Variants in BTG3 observed in about 807,000 individuals in gnomAD.
The protein encoded by BTG3 is BTG anti-proliferation factor 3, also known as protein BTG3.
In BTG3, 4 loss-of-function variants were observed where a neutral mutation model predicts 25.8. The observed-to-expected ratio is 0.16, with a 90% CI of 0.08 to 0.36. The LOEUF is 0.36. Ranked by LOEUF, BTG3 falls within the 10% of genes least tolerant of loss-of-function variation. BTG3 has a pLI of 1.00. For synonymous variants in BTG3, 107 were observed against 99.9 expected, an observed-to-expected ratio of 1.07 and a Z score of -0.42; for missense variants, 201 against 304.9, an observed-to-expected ratio of 0.66 and a Z score of 2.54.
intron 4 of BTG3, among the ~76,000 whole-genome samples, chr21:17,595,453 CA>C (rs891411002): frequency 3.3e-5 from 5 of 151,910 alleles, no homozygotes; most frequent in African/African-American, 4.8e-5. Context: ...TGACACCAAA[CA>C]TTTTTTTAAA....
chr21:17,600,874 G>C (rs1369250045), intron 3 of BTG3, among the ~76,000 whole-genome samples: 2 of 151,862 alleles, frequency 1.3e-5, no homozygotes, highest in East Asian at 3.9e-4. Context: ...CATAAAAGTT[G>C]CTACAGGGGC....
At position 17,604,843 on chromosome 21, in the gene BTG3, TA is replaced by T. The variant is rs1177145483; in HGVS notation, c.311+16del. 2 of 1,609,340 alleles carry T rather than the reference TA, an allele frequency of 1.2e-6. No homozygotes were observed. Among genetic ancestry groups the T allele is most frequent in the Non-Finnish European group, 8.5e-7 (1 of 1,177,952 alleles). ...CCAGCATGGTCATCAGTTCAGCCTC[TA>T]AACTTGAGAACTCACCGACAGCACA... On this transcript the variant is annotated intron_variant, in intron 3 of 4. Coordinates refer to ENST00000348354, the MANE Select transcript of BTG3 (RefSeq NM_006806.5).
intron 1 of BTG3, among the ~76,000 whole-genome samples, chr21:17,609,932 TTACCA>T (rs781329761): frequency 3.9e-5 from 6 of 152,208 alleles, no homozygotes; most frequent in Non-Finnish European, 7.3e-5. Context: ...ATCTATATGT[TTACCA>T]ATTAAGGAAT....
chr21:17,601,179 T>C (rs2061570174), intron 3 of BTG3, among the ~76,000 whole-genome samples: 1 of 143,874 alleles, frequency 7.0e-6, no homozygotes, highest in Admixed American at 6.9e-5. Context: ...AAAAAAAAAG[T>C]TGCTACGGGA....
At chr21:17,608,556 C>CTT (rs374963701) in intron 2 of BTG3, among the ~76,000 whole-genome samples, 2 of 146,016 alleles carry the variant, frequency 1.4e-5, no homozygotes, top group African/African-American at 5.0e-5. Flanking sequence ...TTTTTCCATA[C>CTT]TTTTTTTTTT....
intron 3 of BTG3, among the ~76,000 whole-genome samples, chr21:17,603,240 T>G (rs999086626): frequency 1.3e-5 from 2 of 152,112 alleles, no homozygotes; most frequent in South Asian, 2.1e-4. Context: ...GTGGCCAAAG[T>G]TTTCCAAGTC....
chr21:17,604,742 G>T, intron 3 of BTG3, 118 bp downstream of exon 3: 3 of 1,244,192 alleles, frequency 2.4e-6, no homozygotes, highest in Non-Finnish European at 3.2e-6. Flanking sequence ...TTACATCTGA[G>T]AGAGTTAAAC....
chr21:17,612,014 A>G (rs1243551631), intron 1 of BTG3: 3 of 152,304 alleles, frequency 2.0e-5, no homozygotes, highest in Non-Finnish European at 4.4e-5. Flanking sequence ...ATAATTTTCC[A>G]AGGGGCTAAG....
rs745861748 is a variant in BTG3, at chr21:17,594,371, A to T, written c.520-39T>A. The T allele has an allele frequency of 3.8e-6, 6 of 1,581,628 alleles. No individual in the cohort carries two copies. In the East Asian group the frequency reaches 9.0e-5, roughly 24 times the overall value. On this transcript the variant is annotated intron_variant, in intron 4 of 4. Transcript: ENST00000348354. ...AACACATTAAGTTAATTCAAAGGAA[A>T]AAATCATCATCTATGTTCCAGATTT...
chr21:17,612,362 T>G (rs1184854368), intron 1 of BTG3: 1 of 151,522 alleles, frequency 6.6e-6, no homozygotes, highest in Non-Finnish European at 1.5e-5. Context: ...GCGAAGGGGG[T>G]GGACAGAGGG....
intron 2 of BTG3, among the ~76,000 whole-genome samples, chr21:17,607,631 G>T (rs2061661271): frequency 6.6e-6 from 1 of 152,210 alleles, no homozygotes; most frequent in African/African-American, 2.4e-5. Context: ...CTTGAATAGT[G>T]CTGTACTTGC....
Position 17,594,998 on chromosome 21 carries a change from A to C in BTG3, c.520-666T>G, listed in dbSNP as rs138809655. Among the ~76,000 whole-genome samples, 966 of 151,384 alleles carry C rather than the reference A, an allele frequency of 6.4e-3. 60 individuals are homozygous for C. The East Asian group carries it at 0.13, about 21-fold the overall frequency. ...CATGTGTATCCCTAAACCTAAAATA[A>C]AAGTTAAAAAAAAAAAAAGATAAAC... On this transcript the variant is annotated intron_variant, in intron 4 of 4. Coordinates refer to ENST00000348354, the MANE Select transcript of BTG3 (RefSeq NM_006806.5).
In BTG3 at chr21:17,612,812, G is replaced by A. The variant is rs572360303; in HGVS notation, c.-122C>T. On this transcript the variant is annotated 5_prime_UTR_variant, in exon 1 of 5. Coordinates refer to ENST00000348354, the MANE Select transcript of BTG3 (RefSeq NM_006806.5). ...CGCGCTGGGCAACAGGGAGCGCAGC[G>A]AGCCTCGTCCGGCGCGTGCGGCTCC... The A allele has an allele frequency of 4.6e-5, 7 of 152,286 alleles. No individual in the cohort carries two copies. Among genetic ancestry groups the A allele is most frequent in the African/African-American group, 1.4e-4 (6 of 41,564 alleles). The allele number at this position is 152,286 out of a possible 1,614,324, so 9.4% of individuals were successfully genotyped here. A position where few individuals can be genotyped will look rare whatever the true frequency, so the allele number is the denominator to read the frequency against.
At chr21:17,597,685 G>A (rs1465067620) in intron 4 of BTG3, among the ~76,000 whole-genome samples, 1 of 151,590 alleles carries the variant, frequency 6.6e-6, no homozygotes, top group Admixed American at 6.6e-5. Context: ...ATAATCTTCA[G>A]AAATAATCTT....
chr21:17,608,460 T>C (rs1302146099), intron 2 of BTG3, among the ~76,000 whole-genome samples: 2 of 151,816 alleles, frequency 1.3e-5, no homozygotes, highest in Non-Finnish European at 2.9e-5. Flanking sequence ...ATCTAGAAAA[T>C]AGTTACACTG....
intron 3 of BTG3, among the ~76,000 whole-genome samples, chr21:17,600,675 G>A (rs768043179): frequency 1.3e-5 from 2 of 151,166 alleles, no homozygotes. Context: ...AAAAAAACAA[G>A]AACAAAAAAT....
intron 3 of BTG3, chr21:17,604,071 T>A: frequency 2.5e-6 from 3 of 1,192,468 alleles, no homozygotes; most frequent in Non-Finnish European, 3.2e-6. Flanking sequence ...CTTTCACAAC[T>A]CTATTCATTA....
chr21:17,599,039 A>T (rs971760580), intron 3 of BTG3: 1 of 425,230 alleles, frequency 2.4e-6, no homozygotes. Context: ...ATTCATAAAC[A>T]TAACCCCATT....
At chr21:17,609,642 A>G (rs767920940) in intron 1 of BTG3, among the ~76,000 whole-genome samples, 6 of 152,276 alleles carry the variant, frequency 3.9e-5, no homozygotes, top group Non-Finnish European at 8.8e-5. Context: ...GAGTTATCAT[A>G]TGACACGGCC....
Sources: allele counts gnomAD v4.1 joint callset (sites outside exome capture counted in the v4.1 genomes callset), GRCh38; gene constraint gnomAD v4.1.1; transcripts MANE v1.5; gene names NCBI Gene and HGNC (gene_info 2026-07-23, HGNC 2026-07-21).